MYRF: variants seen among roughly 807,000 people sequenced by gnomAD.
MYRF encodes myelin gene regulatory factor.
In MYRF, 16 loss-of-function variants were observed where a neutral mutation model predicts 126.3. That is an observed-to-expected ratio of 0.13 (90% CI 0.09 to 0.19). The LOEUF is 0.19. Ranked by LOEUF, MYRF falls within the 10% of genes least tolerant of loss-of-function variation. The pLI is 1.00. For missense variants in MYRF, 1,104 were observed against 1,547.0 expected (o/e 0.71, Z 4.80); for synonymous variants, 608 against 635.3 (o/e 0.96, Z 0.65).
Position 61,776,418 on chromosome 11 carries a change from C to A in MYRF, c.1485C>A (p.Pro495=), listed in dbSNP as rs762606516. The change falls in exon 10 of 27, where the codon CCC becomes CCA. Residue 495 remains proline, a synonymous_variant. Coordinates refer to ENST00000278836, the MANE Select transcript of MYRF (RefSeq NM_001127392.3). This position sits in a 1 kb window ranked among gnomAD's most constrained non-coding sequence, Gnocchi z 4.3. ...TANNMRKKGK[P]NPDQRYFMLV... ...ACAACATGCGTAAGAAGGGCAAGCC[C>A]AACCCGGACCAGAGGTGAGCAGGTG... 1.0e-4 allele frequency: 165 copies of A among 1,612,392 alleles called. No individual in the cohort carries two copies. The highest frequency in any genetic ancestry group is 1.4e-4 in the Non-Finnish European group (162 of 1,179,732).
At chr11:61,765,529 A>T in intron 1 of MYRF, 96 bp from the exon 2 acceptor site, 1 of 982,804 alleles carries the variant, frequency 1.0e-6, no homozygotes, top group Non-Finnish European at 1.5e-6. Flanking sequence ...TCTGTTTTGG[A>T]GGGCCAGCCT....
Position 61,757,216 on chromosome 11 carries a change from A to G in MYRF, c.46+4426A>G. 1 of 454,058 alleles carries G rather than the reference A, an allele frequency of 2.2e-6. No individual in the cohort carries two copies. Among genetic ancestry groups the G allele is most frequent in the Non-Finnish European group, 4.4e-6 (1 of 226,184 alleles). The allele number at this position is 454,058 out of a possible 1,614,324, so 28.1% of individuals were successfully genotyped here. On this transcript the variant is annotated intron_variant, in intron 1 of 26. Transcript: ENST00000278836. This position sits in a 1 kb window ranked among gnomAD's most constrained non-coding sequence, Gnocchi z 4.7. Reference sequence around the variant, plus strand: ...GCCCCGGCTGCCACGGGGTGTGGGTACCTCTTGGTTGGGTCTCGGGGTAGG... The same window carrying G: ...GCCCCGGCTGCCACGGGGTGTGGGTGCCTCTTGGTTGGGTCTCGGGGTAGG...
chr11:61,752,835 A>C, intron 1 of MYRF, 45 bp downstream of exon 1: 1 of 1,470,142 alleles, frequency 6.8e-7, no homozygotes, highest in South Asian at 1.3e-5. Context: ...GGCGCTGGGA[A>C]CCCCCGGCTG....
rs1298782793 is a variant in MYRF at position 61,779,486 on chromosome 11, C to T, written c.2175-12C>T. 5.9e-6 allele frequency: 9 copies of T among 1,533,052 alleles called. No individual in the cohort carries two copies. Among genetic ancestry groups the T allele is most frequent in the Admixed American group, 2.0e-5 (1 of 49,692 alleles). The allele number at this position is 1,533,052 out of a possible 1,614,324, so 95.0% of individuals were successfully genotyped here. On this transcript the variant is annotated splice_polypyrimidine_tract_variant and intron_variant, in intron 15 of 26. Coordinates refer to ENST00000278836, the MANE Select transcript of MYRF (RefSeq NM_001127392.3). Reference sequence around the variant, plus strand: ...CCCAGGGACACCCCTGATCCTGGCCCTCTTGCTGCAGCCATGCAGGGAGCC... The same window carrying T: ...CCCAGGGACACCCCTGATCCTGGCCTTCTTGCTGCAGCCATGCAGGGAGCC...
Position 61,779,362 on chromosome 11 carries a change from A to G in MYRF, c.2113A>G (p.Lys705Glu). ...TGATGAGCTGGAGCGCTGGAGCCAC[A>G]AGCTGGCCAAGCTGCGGCGGCTCGA... is the stretch of plus-strand genomic sequence containing the variant. Reference protein sequence around the residue: ...RIDELERWSHKLAKLRRLDSL... With the variant: ...RIDELERWSHELAKLRRLDSL... Residue 705 changes from lysine to glutamate, a missense_variant, in exon 15 of 27, where the codon AAG becomes GAG. Lys to Glu is a moderately conservative substitution (Grantham distance 56). This residue lies in a region of MYRF where 123 missense variants were observed against 209.1 expected (regional missense o/e 0.59). Coordinates refer to ENST00000278836, the MANE Select transcript of MYRF (RefSeq NM_001127392.3). 3.2e-6 allele frequency: 5 copies of G among 1,551,320 alleles called. No individual in the cohort carries two copies. The highest frequency in any genetic ancestry group is 4.4e-6 in the Non-Finnish European group (5 of 1,146,924).
At chr11:61,765,115 G>A (rs910751620) in intron 1 of MYRF, among the ~76,000 whole-genome samples, 18 of 152,352 alleles carry the variant, frequency 1.2e-4, no homozygotes, top group South Asian at 4.1e-4. Flanking sequence ...GTGCTCCTGC[G>A]TTCCTGGAGC....
chr11:61,781,281 C>T lies in MYRF; in HGVS notation c.2716C>T (p.Pro906Ser). 1 of 1,614,180 alleles carries T rather than the reference C, an allele frequency of 6.2e-7. No individual in the cohort carries two copies. The highest frequency in any genetic ancestry group is 8.5e-7 in the Non-Finnish European group (1 of 1,180,042). ...TCCTAGTCTTGGCCCCAGCTTTAAC[C>T]CTGGCCATGTTCTCAGCCCAAGTCC... Reference protein sequence around the residue: ...TGPSLGPSFNPGHVLSPSPSP... With the variant: ...TGPSLGPSFNSGHVLSPSPSP... The change falls in exon 21 of 27, where the codon CCT becomes TCT. Residue 906 changes from proline to serine, a missense_variant. Coordinates refer to ENST00000278836, the MANE Select transcript of MYRF (RefSeq NM_001127392.3).
chr11:61,759,389 G>A (rs942723164), intron 1 of MYRF, among the ~76,000 whole-genome samples: 2 of 152,208 alleles, frequency 1.3e-5, no homozygotes, highest in African/African-American at 4.8e-5. Context: ...AGGGTTCTCC[G>A]GCTGGGCCAG....
intron 3 of MYRF, among the ~76,000 whole-genome samples, chr11:61,767,921 C>T (rs912772147): frequency 3.3e-5 from 5 of 150,838 alleles, no homozygotes; most frequent in African/African-American, 7.3e-5. Flanking sequence ...AGTTTGAGAC[C>T]GGCCTGGGCA....
chr11:61,780,447 G>T (rs1450177349), intron 18 of MYRF, among the ~76,000 whole-genome samples, 157 bp downstream of exon 18: 1 of 152,170 alleles, frequency 6.6e-6, no homozygotes, highest in African/African-American at 2.4e-5. Context: ...GGCCTCCTTG[G>T]AGGGTGGGCA....
chr11:61,753,719 C>A (rs774361905), intron 1 of MYRF, among the ~76,000 whole-genome samples: 1 of 152,148 alleles, frequency 6.6e-6, no homozygotes, highest in Non-Finnish European at 1.5e-5. Flanking sequence ...CTTCTGCCCC[C>A]ACCCCTACAT....
At chr11:61,772,521 A>G (rs929250310) in intron 7 of MYRF, among the ~76,000 whole-genome samples, 3 of 152,216 alleles carry the variant, frequency 2.0e-5, no homozygotes, top group Admixed American at 2.0e-4. Context: ...GACCAGCTGC[A>G]TGGAGTTGGG....
rs756570086 is a variant in MYRF, at chr11:61,780,757, C to T, written c.2451C>T (p.Pro817=). ...STSCLLALLR[P]QPPGGSEALC... is the part of the protein sequence containing the mutation. ...CCTGTCTCCTGGCCCTGCTCCGGCC[C>T]CAGCCCCCTGGGGGGAGTGAGGCCT... Residue 817 remains proline (P), a synonymous_variant, in exon 19 of 27, where the codon CCC becomes CCT. Coordinates refer to ENST00000278836, the MANE Select transcript of MYRF (RefSeq NM_001127392.3). 6.5e-7 allele frequency: 1 copy of T among 1,548,340 alleles called. No individual in the cohort carries two copies. Among genetic ancestry groups the T allele is most frequent in the South Asian group, 1.2e-5 (1 of 84,086 alleles).
intron 7 of MYRF, 52 bp downstream of exon 7, chr11:61,772,004 G>A (rs754240763): frequency 1.4e-5 from 22 of 1,605,508 alleles, no homozygotes; most frequent in African/African-American, 6.7e-5. Context: ...ACCTTGGGAC[G>A]CCCCAGCCCA....
chr11:61,760,994 C>T lies in MYRF; in HGVS notation c.47-4631C>T, dbSNP rs573301719. On this transcript the variant is annotated intron_variant, in intron 1 of 26. Coordinates refer to ENST00000278836, the MANE Select transcript of MYRF (RefSeq NM_001127392.3). Reference sequence around the variant, plus strand: ...GGACACTCAGAGCAACTGGGGTTGTCGGAAATAGGCCTGGGCCCTGGTGTC... The same window carrying T: ...GGACACTCAGAGCAACTGGGGTTGTTGGAAATAGGCCTGGGCCCTGGTGTC... Among the ~76,000 whole-genome samples, 63 of 152,270 alleles carry T rather than the reference C, an allele frequency of 4.1e-4. 2 individuals carry two copies. Among genetic ancestry groups the T allele is most frequent in the African/African-American group, 1.4e-3 (60 of 41,562 alleles).
At position 61,777,407 on chromosome 11, in the gene MYRF, G is replaced by T. The variant is rs185949125; in HGVS notation, c.1734G>T (p.Lys578Asn). 2.4e-5 allele frequency: 39 copies of T among 1,613,886 alleles called. No homozygotes were observed. The highest frequency in any genetic ancestry group is 3.1e-5 in the Non-Finnish European group (37 of 1,179,994). ...DEALVVHGNVKVMGSLMHPSD... is the reference protein window; with the variant it reads ...DEALVVHGNVNVMGSLMHPSD... ...CGCTGGTTGTGCACGGGAATGTCAA[G>T]GTCATGGGCTCGCTTATGCACCCCT... The change falls in exon 12 of 27, where the codon AAG becomes AAT. Residue 578 changes from lysine to asparagine, a missense_variant. Around this residue, in one of 10 missense-constraint regions of MYRF, gnomAD observed 123 missense variants for 209.1 expected, o/e 0.59. Coordinates refer to ENST00000278836, the MANE Select transcript of MYRF (RefSeq NM_001127392.3). This position sits in a 1 kb window ranked among gnomAD's most constrained non-coding sequence, Gnocchi z 8.8.
intron 7 of MYRF, among the ~76,000 whole-genome samples, chr11:61,773,612 C>A (rs2066285965): frequency 6.6e-6 from 1 of 152,154 alleles, no homozygotes; most frequent in African/African-American, 2.4e-5. Context: ...CTTCAGGCAG[C>A]CTTCTGGGAA....
rs2066444388 is a variant in MYRF, at chr11:61,778,365, G to T, written c.1904-15G>T. The stretch of plus-strand genomic sequence containing the variant: ...CCACCCCCCCACCCATCTTTGGCTT[G>T]TCCCCTGCCCCCAGGTGTCATCGCT... On this transcript the variant is annotated splice_polypyrimidine_tract_variant and intron_variant, in intron 13 of 26. Transcript: ENST00000278836. The surrounding 1 kb of genome is among the most constrained non-coding windows in gnomAD (Gnocchi z 4.6). 3 of 1,575,916 alleles carry T rather than the reference G, an allele frequency of 1.9e-6. No homozygotes were observed. The highest frequency in any genetic ancestry group is 2.6e-6 in the Non-Finnish European group (3 of 1,145,656).
At chr11:61,765,910 C>T (rs763197421) in intron 2 of MYRF, 48 bp from the exon 3 acceptor site, 2 of 1,465,810 alleles carry the variant, frequency 1.4e-6, no homozygotes, top group Non-Finnish European at 9.0e-7. Context: ...TACTTCCCTG[C>T]TGGGGCTGGG....
Sources: gnomAD v4.1 joint callset for allele counts (sites outside exome capture counted in the v4.1 genomes callset) on GRCh38, gnomAD v4.1.1 for gene constraint, gnomAD v4.1.1 regional missense constraint, Gnocchi (gnomAD v3.1) non-coding constraint, MANE v1.5 for transcripts, NCBI Gene and HGNC (gene_info 2026-07-23, HGNC 2026-07-21) for gene names.